PLCH1: variants seen among roughly 807,000 people sequenced by gnomAD.
PLCH1 encodes phospholipase C eta 1.
A neutral mutation model predicts 126.7 loss-of-function variants in PLCH1; 60 were observed. The observed-to-expected ratio is 0.47, with a 90% CI of 0.38 to 0.59. PLCH1 has a LOEUF of 0.59. PLCH1 is among the 20% of genes least tolerant of loss of function. PLCH1 has a pLI of 0.00. For missense variants in PLCH1, 1,723 were observed against 2,040.0 expected, an observed-to-expected ratio of 0.84 and a Z score of 2.99; for synonymous variants, 719 against 734.9, an observed-to-expected ratio of 0.98 and a Z score of 0.35.
chr3:155,680,880 C>A (rs1475290786), intron 2 of PLCH1, among the ~76,000 whole-genome samples: 1 of 152,064 alleles, frequency 6.6e-6, no homozygotes, highest in Non-Finnish European at 1.5e-5. Context: ...ACTGTCTAAC[C>A]ATTAACGATG....
chr3:155,651,441 A>C (rs1740700991), intron 2 of PLCH1, among the ~76,000 whole-genome samples: 1 of 152,180 alleles, frequency 6.6e-6, no homozygotes, highest in African/African-American at 2.4e-5. Flanking sequence ...TAATATCTAC[A>C]GAGGGGAATA....
rs376260102 is a variant in PLCH1, at chr3:155,488,112, T to C, written c.2540-5A>G. 2 of 1,594,020 alleles carry C rather than the reference T, an allele frequency of 1.3e-6. No individual in the cohort carries two copies. The highest frequency in any genetic ancestry group is 1.7e-6 in the Non-Finnish European group (2 of 1,161,774). ...CCAAATAGACATGCCGGTAGCCTGA[T>C]AAAAGGAAAGAGAGTCGTTTCTTTT... is the stretch of plus-strand genomic sequence containing the variant. On this transcript the variant is annotated splice_region_variant and splice_polypyrimidine_tract_variant and intron_variant, in intron 20 of 22. Transcript: ENST00000460012.
At chr3:155,694,998 A>G (rs1303096721) in intron 2 of PLCH1, among the ~76,000 whole-genome samples, 8 of 141,382 alleles carry the variant, frequency 5.7e-5, no homozygotes, top group Admixed American at 1.5e-4. Context: ...TGCTCTCTGC[A>G]GTAAGAATTA....
At chr3:155,622,986 A>T (rs933665862) in intron 2 of PLCH1, among the ~76,000 whole-genome samples, 4 of 152,206 alleles carry the variant, frequency 2.6e-5, no homozygotes, top group Admixed American at 1.3e-4. Context: ...CATCGCACTT[A>T]TTCTAAAATT....
In PLCH1 at chr3:155,494,319, C is replaced by T. The variant is rs752143899; in HGVS notation, c.2074+19G>A. On this transcript the variant is annotated intron_variant, in intron 16 of 22. Transcript: ENST00000460012. ...AGTGAGAATATACAGAGAACCACTC[C>T]TTCCCAAGGAATACACACCTAGCTG... 3.7e-6 allele frequency: 6 copies of T among 1,613,526 alleles called. No individual in the cohort carries two copies. The highest frequency in any genetic ancestry group is 2.2e-5 in the South Asian group (2 of 91,070).
At chr3:155,548,950 T>G (rs1227925416) in intron 10 of PLCH1, among the ~76,000 whole-genome samples, 1 of 152,222 alleles carries the variant, frequency 6.6e-6, no homozygotes, top group African/African-American at 2.4e-5. Context: ...TCCTTGACTT[T>G]CCTGCTCCTC....
intron 1 of PLCH1, among the ~76,000 whole-genome samples, chr3:155,714,006 G>A (rs1747335576): frequency 6.6e-6 from 1 of 152,132 alleles, no homozygotes; most frequent in Non-Finnish European, 1.5e-5. Context: ...CTTAAGCCTT[G>A]CTGAGAGATA....
intron 2 of PLCH1, among the ~76,000 whole-genome samples, chr3:155,675,024 T>C (rs1743950883): frequency 6.6e-6 from 1 of 152,184 alleles, no homozygotes; most frequent in Non-Finnish European, 1.5e-5. Context: ...TCCTTCCCTA[T>C]TTCTGTATGA....
At chr3:155,582,078 T>C (rs998129904) in intron 6 of PLCH1, among the ~76,000 whole-genome samples, 19 of 88,636 alleles carry the variant, frequency 2.1e-4, no homozygotes, top group Non-Finnish European at 3.0e-4. Flanking sequence ...TTTCTTTCTT[T>C]TTTTTTTTTT....
intron 1 of PLCH1, among the ~76,000 whole-genome samples, chr3:155,708,275 A>T (rs1425390719): frequency 6.6e-6 from 1 of 152,180 alleles, no homozygotes; most frequent in Admixed American, 6.5e-5. Flanking sequence ...GAGATAATAA[A>T]TAGAGTTAGT....
intron 8 of PLCH1, among the ~76,000 whole-genome samples, chr3:155,562,838 C>G (rs1311384190): frequency 6.6e-6 from 1 of 151,892 alleles, no homozygotes; most frequent in African/African-American, 2.4e-5. Flanking sequence ...TATTATTTCC[C>G]CCACTTCCAA....
rs779216101 is a variant in PLCH1, at chr3:155,488,666, C to G, written c.2533G>C (p.Val845Leu). The change falls in exon 20 of 23, where the codon GTG becomes CTG. Residue 845 changes from valine (V) to leucine (L), a missense_variant. Val to Leu is a conservative substitution (Grantham distance 32). Around this residue, in one of 2 missense-constraint regions of PLCH1, gnomAD observed 776 missense variants for 1,062.9 expected, o/e 0.73. Coordinates refer to ENST00000460012, the MANE Select transcript of PLCH1 (RefSeq NM_014996.4). ...AAGGCCAGCTCATACCTACCAGGCA[C>G]TAAGCTGCTGAAGGTCACAGTTCTT... ...GQRTVTFSSL[V>L]PGYRHVYLEG... The G allele has an allele frequency of 2.4e-5, 38 of 1,611,788 alleles. No individual in the cohort carries two copies. The highest frequency in any genetic ancestry group is 3.1e-5 in the Non-Finnish European group (37 of 1,179,242).
chr3:155,629,324 G>A (rs186961644), intron 2 of PLCH1, among the ~76,000 whole-genome samples: 39 of 152,244 alleles, frequency 2.6e-4, no homozygotes, highest in African/African-American at 9.4e-4. Flanking sequence ...ACCATCCTAA[G>A]CAATGTGGCC....
chr3:155,552,510 C>A (rs3914780), intron 9 of PLCH1, among the ~76,000 whole-genome samples: 1 of 152,006 alleles, frequency 6.6e-6, no homozygotes, highest in Non-Finnish European at 1.5e-5. Flanking sequence ...GAATAAGCAA[C>A]AATTAATCAG....
At chr3:155,504,148 T>C (rs1239358574) in intron 13 of PLCH1, among the ~76,000 whole-genome samples, 5 of 152,220 alleles carry the variant, frequency 3.3e-5, no homozygotes, top group Admixed American at 1.3e-4. Flanking sequence ...ACTGCCTGTT[T>C]AAGTGTTTTG....
At chr3:155,548,344 A>G (rs1228288761) in intron 10 of PLCH1, among the ~76,000 whole-genome samples, 1 of 152,178 alleles carries the variant, frequency 6.6e-6, no homozygotes, top group Non-Finnish European at 1.5e-5. Context: ...CTACTAGCAA[A>G]TGGATCTCAG....
At chr3:155,632,402 A>T (rs1738160839) in intron 2 of PLCH1, among the ~76,000 whole-genome samples, 1 of 152,188 alleles carries the variant, frequency 6.6e-6, no homozygotes, top group Non-Finnish European at 1.5e-5. Flanking sequence ...TCAAGTATCT[A>T]TTACCTTCTA....
intron 11 of PLCH1, among the ~76,000 whole-genome samples, chr3:155,521,737 C>T (rs73011589): frequency 0.081 from 12,296 of 152,264 alleles, 1,113 homozygotes; most frequent in African/African-American, 0.23. Context: ...TTTCTAAACA[C>T]GGCATTGCCT....
At chr3:155,467,392 G>C (rs1419886112) in intron 21 of PLCH1, among the ~76,000 whole-genome samples, 1 of 152,074 alleles carries the variant, frequency 6.6e-6, no homozygotes, top group Non-Finnish European at 1.5e-5. Context: ...TGGCCAACAT[G>C]GTGAAACCCC....
Sources: gnomAD v4.1 joint callset for allele counts (sites outside exome capture counted in the v4.1 genomes callset) on GRCh38, gnomAD v4.1.1 for gene constraint, gnomAD v4.1.1 regional missense constraint, MANE v1.5 for transcripts, NCBI Gene and HGNC (gene_info 2026-07-23, HGNC 2026-07-21) for gene names.